PLD5: variants seen among roughly 807,000 people sequenced by gnomAD.
The protein encoded by PLD5 is inactive phospholipase D5.
PLD5 carries 36 observed loss-of-function variants against 61.1 expected under a neutral mutation model. That is an observed-to-expected ratio of 0.59 (90% CI 0.45 to 0.78). The LOEUF (loss-of-function observed/expected upper bound fraction) is 0.78. Ranked by LOEUF, PLD5 falls within the 30% of genes least tolerant of loss-of-function variation. The pLI is 0.00. For missense variants in PLD5, 515 were observed against 644.4 expected (o/e 0.80, Z 2.17); for synonymous variants, 243 against 242.8 (o/e 1.00, Z -0.01).
chr1:242,109,979 T>C (rs970314661), intron 7 of PLD5, among the ~76,000 whole-genome samples: 66 of 150,626 alleles, frequency 4.4e-4, no homozygotes, highest in African/African-American at 1.5e-3. Context: ...CACAGAGGTG[T>C]GAGTGGTACA....
At chr1:242,105,268 G>T (rs185580940) in intron 8 of PLD5, among the ~76,000 whole-genome samples, 47 of 151,822 alleles carry the variant, frequency 3.1e-4, no homozygotes, top group African/African-American at 1.1e-3. Flanking sequence ...CTGTCTCCCG[G>T]GCTGGAATGC....
chr1:242,351,725 T>A (rs1317872025), intron 1 of PLD5, among the ~76,000 whole-genome samples: 1 of 152,208 alleles, frequency 6.6e-6, no homozygotes, highest in Non-Finnish European at 1.5e-5. Flanking sequence ...CAAAAAATGT[T>A]TCTCTCAAAA....
At chr1:242,377,882 A>G (rs1662055405) in intron 1 of PLD5, among the ~76,000 whole-genome samples, 1 of 152,234 alleles carries the variant, frequency 6.6e-6, no homozygotes, top group African/African-American at 2.4e-5. Context: ...ATTAGTAAGG[A>G]GGTGGAGAAA....
At chr1:242,419,540 C>T (rs537883693) in intron 1 of PLD5, among the ~76,000 whole-genome samples, 6 of 149,466 alleles carry the variant, frequency 4.0e-5, no homozygotes, top group South Asian at 2.1e-4. Flanking sequence ...GGACTACAGG[C>T]GCACACCACT....
At chr1:242,349,380 G>T (rs1660346233) in intron 1 of PLD5, among the ~76,000 whole-genome samples, 2 of 152,190 alleles carry the variant, frequency 1.3e-5, no homozygotes, top group Admixed American at 1.3e-4. Context: ...AATTAGGCAA[G>T]TCCAGCTCCC....
rs755085764 is a variant in PLD5, at chr1:242,524,195, C to T, written c.82G>A (p.Glu28Lys). ...ACTCGGGTCAGGCTTGGGGAGGGCT[C>T]CTTGGGGCGGCTTTTGAGCCTCATC... ...EQMRLKSRPK[E>K]PSPSLTRVGA... The change falls in exon 1 of 10, where the codon GAG becomes AAG. Residue 28 changes from glutamate (E) to lysine (K), a missense_variant. Physicochemically the swap from Glu to Lys is moderately conservative, Grantham distance 56 (BLOSUM62 1). Transcript: ENST00000536534. The T allele has an allele frequency of 1.3e-6, 2 of 1,533,954 alleles. No individual in the cohort carries two copies. Among genetic ancestry groups the T allele is most frequent in the Non-Finnish European group, 1.7e-6 (2 of 1,145,858 alleles).
chr1:242,334,405 A>G (rs1659379884), intron 2 of PLD5, among the ~76,000 whole-genome samples: 1 of 152,188 alleles, frequency 6.6e-6, no homozygotes, highest in African/African-American at 2.4e-5. Context: ...TGCTCATATT[A>G]TAAGGACAAA....
chr1:242,308,530 CA>C (rs1295044805), intron 2 of PLD5, among the ~76,000 whole-genome samples: 13 of 151,962 alleles, frequency 8.6e-5, no homozygotes, highest in Non-Finnish European at 1.9e-4. Context: ...AAAATTATTA[CA>C]AATCTAGTTG....
At chr1:242,428,063 T>C (rs1665527275) in intron 1 of PLD5, among the ~76,000 whole-genome samples, 1 of 152,210 alleles carries the variant, frequency 6.6e-6, no homozygotes, top group East Asian at 1.9e-4. Flanking sequence ...AACTTCCAAA[T>C]ACACTCCTGT....
At chr1:242,498,561 G>C (rs1668451169) in intron 1 of PLD5, among the ~76,000 whole-genome samples, 1 of 152,144 alleles carries the variant, frequency 6.6e-6, no homozygotes, top group South Asian at 2.1e-4. Flanking sequence ...CAACTGCTAT[G>C]TTTATTCCCT....
chr1:242,492,537 G>A (rs867011300), intron 1 of PLD5, among the ~76,000 whole-genome samples: 2,622 of 140,910 alleles, frequency 0.019, 85 homozygotes, highest in African/African-American at 0.065. Flanking sequence ...AAAAAAAAAA[G>A]AAAAGAGATA....
chr1:242,180,557 C>T (rs1194826487), intron 5 of PLD5, among the ~76,000 whole-genome samples: 3 of 151,932 alleles, frequency 2.0e-5, no homozygotes, highest in Non-Finnish European at 4.4e-5. Flanking sequence ...AATATTTTTG[C>T]TAGAGAAAGA....
At chr1:242,230,053 C>T (rs369221183) in intron 4 of PLD5, among the ~76,000 whole-genome samples, 15 of 152,034 alleles carry the variant, frequency 9.9e-5, no homozygotes, top group African/African-American at 2.7e-4. Context: ...AGTATTTAGT[C>T]GGTAGAGGCC....
chr1:242,203,118 C>A lies in PLD5; in HGVS notation c.735+16870G>T, dbSNP rs371642999. Among the ~76,000 whole-genome samples, 81 of 152,318 alleles carry A rather than the reference C, an allele frequency of 5.3e-4. 2 individuals are homozygous for A. The South Asian group carries it at 0.016, about 30-fold the overall frequency. On this transcript the variant is annotated intron_variant, in intron 5 of 9. Coordinates refer to ENST00000536534, the MANE Select transcript of PLD5 (RefSeq NM_001372062.1). ...TCCCAAATGAGCAGGACTTGATTAA[C>A]GATGGCCAGCTTGCTTCATCTTTGC...
chr1:242,153,197 TG>T (rs1558278406), intron 5 of PLD5, among the ~76,000 whole-genome samples: 1 of 151,432 alleles, frequency 6.6e-6, no homozygotes, highest in African/African-American at 2.4e-5. Flanking sequence ...TACTTTTTGA[TG>T]GTTTTTTTTT....
chr1:242,214,086 C>T (rs978211579), intron 5 of PLD5, among the ~76,000 whole-genome samples: 1 of 152,148 alleles, frequency 6.6e-6, no homozygotes, highest in Non-Finnish European at 1.5e-5. Context: ...AGCGCATGTC[C>T]TTCCTGCTGA....
intron 5 of PLD5, among the ~76,000 whole-genome samples, chr1:242,194,320 G>A (rs1668465250): frequency 6.6e-6 from 1 of 152,112 alleles, no homozygotes; most frequent in African/African-American, 2.4e-5. Context: ...CATTGCTGGT[G>A]GGAATGTAAA....
At chr1:242,091,962 G>C (rs1003094991) in intron 9 of PLD5, among the ~76,000 whole-genome samples, 1 of 151,656 alleles carries the variant, frequency 6.6e-6, no homozygotes, top group African/African-American at 2.4e-5. Flanking sequence ...GAGTAACTGG[G>C]ATTACAGGAG....
intron 1 of PLD5, among the ~76,000 whole-genome samples, chr1:242,476,855 C>T (rs1235477891): frequency 6.6e-6 from 1 of 152,148 alleles, no homozygotes; most frequent in Non-Finnish European, 1.5e-5. Flanking sequence ...TTCACACATA[C>T]ACAGGGAGGC....
Sources: allele counts gnomAD v4.1 joint callset (sites outside exome capture counted in the v4.1 genomes callset), GRCh38; gene constraint gnomAD v4.1.1; transcripts MANE v1.5; gene names NCBI Gene and HGNC (gene_info 2026-07-23, HGNC 2026-07-21).